Variants in PDE9A observed in about 807,000 individuals in gnomAD.
The protein encoded by PDE9A is phosphodiesterase 9A.
PDE9A carries 60 observed loss-of-function variants against 87.4 expected under a neutral mutation model. The ratio of observed to expected loss-of-function variants is 0.69; its 90% CI spans 0.56 to 0.85. The LOEUF (loss-of-function observed/expected upper bound fraction) is 0.85. Among genes scored for constraint, PDE9A ranks in the 40% least tolerant of loss-of-function variants. PDE9A has a pLI of 0.00. For synonymous variants in PDE9A, 272 were observed against 279.4 expected (o/e 0.97, Z 0.27); for missense variants, 665 against 779.0 (o/e 0.85, Z 1.74).
At position 42,760,420 on chromosome 21, in the gene PDE9A, C is replaced by G; in HGVS notation, c.990C>G (p.Leu330=). ...AGATGATGTACAGCATGGTCTGGCT[C>G]TGCAGTCTCCAGGTGGGTCCTGCCC... ...VAQMMYSMVW[L]CSLQEKFSQT... Residue 330 remains leucine (L), a synonymous_variant, in exon 12 of 20, where the codon CTC becomes CTG. Coordinates refer to ENST00000291539, the MANE Select transcript of PDE9A (RefSeq NM_002606.3). This position sits in a 1 kb window ranked among gnomAD's most constrained non-coding sequence, Gnocchi z 5.2. The G allele has an allele frequency of 6.3e-7, 1 of 1,599,822 alleles. No individual in the cohort carries two copies. The highest frequency in any genetic ancestry group is 1.3e-5 in the African/African-American group (1 of 74,862).
intron 4 of PDE9A, among the ~76,000 whole-genome samples, chr21:42,707,917 C>A (rs1253970927): frequency 6.6e-6 from 1 of 152,142 alleles, no homozygotes; most frequent in Non-Finnish European, 1.5e-5. Context: ...ACTTAGGGGG[C>A]ATTTTTGAAT....
At chr21:42,661,328 CTTT>C (rs538086640) in intron 1 of PDE9A, among the ~76,000 whole-genome samples, 3 of 142,206 alleles carry the variant, frequency 2.1e-5, no homozygotes, top group Non-Finnish European at 4.6e-5. Flanking sequence ...CACGCCCAGC[CTTT>C]TTTTTTTTTT....
intron 14 of PDE9A, among the ~76,000 whole-genome samples, chr21:42,765,161 AGATG>A (rs1213135663): frequency 1.3e-5 from 2 of 151,350 alleles, no homozygotes; most frequent in African/African-American, 2.4e-5. Context: ...GTGGATGGGT[AGATG>A]GATGGAGGAT....
In PDE9A at chr21:42,754,047, C is replaced by T; in HGVS notation, c.793C>T (p.Leu265Phe). Residue 265 changes from leucine to phenylalanine, a missense_variant, in exon 10 of 20, where the codon CTT becomes TTT. Leu to Phe is a conservative substitution (Grantham distance 22). Coordinates refer to ENST00000291539, the MANE Select transcript of PDE9A (RefSeq NM_002606.3). ...ALRKPTFDVWLWEPNEMLSCL... is the reference protein window; with the variant it reads ...ALRKPTFDVWFWEPNEMLSCL... ...GCGGAAGCCGACCTTTGACGTCTGG[C>T]TTTGGGAGCCCAATGAGGTAAGTGC... is the stretch of plus-strand genomic sequence containing the variant. The T allele has an allele frequency of 6.2e-7, 1 of 1,612,594 alleles. No individual in the cohort carries two copies. Among genetic ancestry groups the T allele is most frequent in the Non-Finnish European group, 8.5e-7 (1 of 1,178,838 alleles).
chr21:42,673,381 G>A (rs2145999548), intron 1 of PDE9A, among the ~76,000 whole-genome samples: 1 of 152,298 alleles, frequency 6.6e-6, no homozygotes, highest in Admixed American at 6.5e-5. Context: ...AACAGAGCCA[G>A]CTAGGAGCAT....
At chr21:42,721,130 C>G (rs1251778414) in intron 4 of PDE9A, among the ~76,000 whole-genome samples, 1 of 152,096 alleles carries the variant, frequency 6.6e-6, no homozygotes, top group African/African-American at 2.4e-5. Context: ...GAAATGCATG[C>G]TAGCTGCCCC....
At chr21:42,667,447 A>C (rs1277093998) in intron 1 of PDE9A, among the ~76,000 whole-genome samples, 2 of 152,164 alleles carry the variant, frequency 1.3e-5, no homozygotes, top group African/African-American at 4.8e-5. Context: ...GTGGCATGAA[A>C]AAGAGTTTTG....
intron 4 of PDE9A, among the ~76,000 whole-genome samples, chr21:42,721,982 CTT>C (rs11291213): frequency 1.9e-4 from 28 of 146,490 alleles, no homozygotes; most frequent in South Asian, 4.4e-4. Flanking sequence ...TTTTTCTTTT[CTT>C]TTTTTTTTTT....
chr21:42,731,955 G>A lies in PDE9A; in HGVS notation c.442+6G>A, dbSNP rs745602166. The A allele has an allele frequency of 5.5e-5, 88 of 1,612,776 alleles. No individual in the cohort carries two copies. The highest frequency in any genetic ancestry group is 1.0e-4 in the Admixed American group (6 of 59,846). On this transcript the variant is annotated splice_donor_region_variant and intron_variant, in intron 5 of 19. Transcript: ENST00000291539. ...AGGCCAGCGCATCCCTCCAGGTAAC[G>A]GGCAGCTCCTCGGCCACAGCCTCCA...
chr21:42,727,603 G>A (rs2051281907), intron 4 of PDE9A, among the ~76,000 whole-genome samples: 1 of 149,684 alleles, frequency 6.7e-6, no homozygotes, highest in Admixed American at 6.7e-5. Context: ...CAAAGTGCTG[G>A]GATTACAGGC....
chr21:42,670,678 TTC>T (rs2058496508), intron 1 of PDE9A, among the ~76,000 whole-genome samples: 1 of 150,080 alleles, frequency 6.7e-6, no homozygotes, highest in South Asian at 2.1e-4. Context: ...TACACATGCA[TTC>T]ACACACATGC....
intron 18 of PDE9A, among the ~76,000 whole-genome samples, chr21:42,771,905 G>A (rs545735101): frequency 6.6e-6 from 1 of 152,324 alleles, no homozygotes; most frequent in Admixed American, 6.5e-5. Flanking sequence ...CTGGAAGGCT[G>A]AGAGCACTTA....
chr21:42,670,580 T>C (rs1449902741), intron 1 of PDE9A, among the ~76,000 whole-genome samples: 1 of 150,246 alleles, frequency 6.7e-6, no homozygotes, highest in Non-Finnish European at 1.5e-5. Flanking sequence ...ACACACCACA[T>C]ACACGCATAC....
chr21:42,708,421 C>G (rs1208352030), intron 4 of PDE9A, among the ~76,000 whole-genome samples: 1 of 152,104 alleles, frequency 6.6e-6, no homozygotes, highest in Admixed American at 6.5e-5. Flanking sequence ...AGACTGCAAA[C>G]GTTAGGACTG....
intron 19 of PDE9A, among the ~76,000 whole-genome samples, chr21:42,773,475 C>G (rs1014720170): frequency 6.6e-6 from 1 of 152,144 alleles, no homozygotes; most frequent in Non-Finnish European, 1.5e-5. Flanking sequence ...ATTCAGCTCA[C>G]GGGGAATGCA....
chr21:42,703,947 C>T (rs1299486293), intron 4 of PDE9A, among the ~76,000 whole-genome samples: 5 of 152,228 alleles, frequency 3.3e-5, no homozygotes, highest in East Asian at 1.9e-4. Flanking sequence ...AGTGCTGCAC[C>T]GCCAGGCTCT....
intron 9 of PDE9A, among the ~76,000 whole-genome samples, chr21:42,751,665 G>A (rs974760435): frequency 6.6e-6 from 1 of 151,732 alleles, no homozygotes; most frequent in African/African-American, 2.4e-5. Flanking sequence ...TTGAAATAAC[G>A]ACAAAAGGAG....
At position 42,760,377 on chromosome 21, in the gene PDE9A, A is replaced by C; in HGVS notation, c.947A>C (p.His316Pro). The C allele has an allele frequency of 6.2e-7, 1 of 1,610,268 alleles. No individual in the cohort carries two copies. Among genetic ancestry groups the C allele is most frequent in the Non-Finnish European group, 8.5e-7 (1 of 1,179,602 alleles). The change falls in exon 12 of 20, where the codon CAC becomes CCC. Residue 316 changes from histidine to proline, a missense_variant. By Grantham distance (77) the His-to-Pro change is moderately conservative (BLOSUM62 -2). Coordinates refer to ENST00000291539, the MANE Select transcript of PDE9A (RefSeq NM_002606.3). The surrounding 1 kb of genome is among the most constrained non-coding windows in gnomAD (Gnocchi z 5.2). ...YRNNPFHNFRHCFCVAQMMYS... is the reference protein window; with the variant it reads ...YRNNPFHNFRPCFCVAQMMYS... ...AACAACCCCTTCCACAACTTCCGGC[A>C]CTGCTTCTGCGTGGCCCAGATGATG...
intron 3 of PDE9A, chr21:42,697,440 C>G: frequency 1.9e-6 from 3 of 1,612,062 alleles, no homozygotes; most frequent in Non-Finnish European, 2.5e-6. Context: ...CTATACATCA[C>G]TCCGTAACTT....
Sources: allele counts gnomAD v4.1 joint callset (sites outside exome capture counted in the v4.1 genomes callset), GRCh38; gene constraint gnomAD v4.1.1; non-coding constraint Gnocchi (gnomAD v3.1); transcripts MANE v1.5; gene names NCBI Gene and HGNC (gene_info 2026-07-23, HGNC 2026-07-21).